Variants in LCORL observed in about 807,000 individuals in gnomAD.
LCORL encodes the protein ligand dependent nuclear receptor corepressor like.
A neutral mutation model predicts 141.8 loss-of-function variants in LCORL; 41 were observed. The ratio of observed to expected loss-of-function variants is 0.29; its 90% CI spans 0.23 to 0.38. The LOEUF is 0.38. Among genes scored for constraint, LCORL ranks in the 10% least tolerant of loss-of-function variants. The pLI, the probability that LCORL is intolerant of heterozygous loss-of-function variation, is 1.00. For synonymous variants in LCORL, 618 were observed against 694.1 expected, an observed-to-expected ratio of 0.89 and a Z score of 1.72; for missense variants, 1,759 against 2,035.0, an observed-to-expected ratio of 0.86 and a Z score of 2.61.
At chr4:17,929,673 T>C (rs1458859218) in intron 4 of LCORL, among the ~76,000 whole-genome samples, 2 of 152,046 alleles carry the variant, frequency 1.3e-5, no homozygotes, top group African/African-American at 4.8e-5. Context: ...TTAGAAGACA[T>C]ATGTGTAAAT....
exon 7 of LCORL, chr4:17,875,946 T>A (rs1467979315): frequency 8.1e-7 from 1 of 1,231,138 alleles, no homozygotes; most frequent in Non-Finnish European, 1.0e-6. Flanking sequence ...ATTTTCAGAG[T>A]TCGCATTTGA....
At chr4:17,919,729 G>C (rs1011617428) in intron 4 of LCORL, among the ~76,000 whole-genome samples, 6 of 152,172 alleles carry the variant, frequency 3.9e-5, no homozygotes, top group Non-Finnish European at 8.8e-5. Flanking sequence ...GTTGTGTTGG[G>C]TGTGTTAGGT....
chr4:17,873,019 C>T (rs1407833362), intron 7 of LCORL, among the ~76,000 whole-genome samples: 1 of 151,988 alleles, frequency 6.6e-6, no homozygotes, highest in Non-Finnish European at 1.5e-5. Context: ...TAGTGTGGTA[C>T]TTAATTTTTA....
chr4:17,878,497 T>C (rs1041636865), intron 6 of LCORL, among the ~76,000 whole-genome samples: 1 of 151,474 alleles, frequency 6.6e-6, no homozygotes. Context: ...GTTTTTAATG[T>C]ATTAAGAATA....
chr4:17,934,969 A>G (rs1736619234), intron 4 of LCORL, among the ~76,000 whole-genome samples: 1 of 152,194 alleles, frequency 6.6e-6, no homozygotes, highest in Non-Finnish European at 1.5e-5. Context: ...CTATGTAACT[A>G]ACTGCCCACT....
intron 1 of LCORL, among the ~76,000 whole-genome samples, chr4:17,992,657 G>A (rs1020842747): frequency 1.3e-5 from 2 of 152,080 alleles, no homozygotes; most frequent in African/African-American, 2.4e-5. Context: ...TATCAGTCAA[G>A]GAGCAAATCT....
chr4:17,864,135 A>C (rs570939604), intron 7 of LCORL, among the ~76,000 whole-genome samples: 1 of 150,860 alleles, frequency 6.6e-6, no homozygotes, highest in Non-Finnish European at 1.5e-5. Context: ...AAATAAAGAC[A>C]AAAAAAAATT....
At chr4:17,877,334 T>C in exon 7 of LCORL, 1 of 1,230,114 alleles carries the variant, frequency 8.1e-7, no homozygotes, top group African/African-American at 1.6e-5. Context: ...TGCTAGATAA[T>C]TTTACAAGGC....
chr4:17,886,677 C>T (rs1560291202), intron 5 of LCORL, among the ~76,000 whole-genome samples: 1 of 152,030 alleles, frequency 6.6e-6, no homozygotes, highest in African/African-American at 2.4e-5. Context: ...TAAAATTTTA[C>T]TCTTTTAAAT....
intron 1 of LCORL, among the ~76,000 whole-genome samples, chr4:18,009,989 A>G (rs1351753563): frequency 6.6e-6 from 1 of 152,188 alleles, no homozygotes; most frequent in African/African-American, 2.4e-5. Flanking sequence ...CTGTTCAGAA[A>G]GGGAGGAGGA....
intron 1 of LCORL, among the ~76,000 whole-genome samples, chr4:17,974,673 A>G (rs1716594001): frequency 6.6e-6 from 1 of 152,160 alleles, no homozygotes; most frequent in South Asian, 2.1e-4. Context: ...GAAATGATCC[A>G]AACTTCACCA....
intron 4 of LCORL, among the ~76,000 whole-genome samples, chr4:17,954,207 G>C (rs373079243): frequency 2.6e-5 from 4 of 151,994 alleles, no homozygotes; most frequent in African/African-American, 7.3e-5. Flanking sequence ...AAACGTGAAA[G>C]AGTGACTGAG....
chr4:17,947,569 C>CA (rs1275776690), intron 4 of LCORL, among the ~76,000 whole-genome samples: 1 of 151,544 alleles, frequency 6.6e-6, no homozygotes, highest in Non-Finnish European at 1.5e-5. Flanking sequence ...GCTGTCACCA[C>CA]AAAAAATGTT....
exon 7 of LCORL, chr4:17,877,077 T>C (rs997536371): frequency 4.5e-5 from 55 of 1,230,694 alleles, no homozygotes; most frequent in Non-Finnish European, 5.6e-5. Context: ...AAAATTTTCA[T>C]CAAGACTAGC....
At chr4:17,842,637 G>C in exon 8 of LCORL, 1 of 348,016 alleles carries the variant, frequency 2.9e-6, no homozygotes, top group Non-Finnish European at 5.3e-6. Context: ...TTAATTACAT[G>C]ATGTGACTCC....
chr4:17,849,792 T>C (rs1223496758), intron 7 of LCORL, among the ~76,000 whole-genome samples: 2 of 152,010 alleles, frequency 1.3e-5, no homozygotes, highest in Non-Finnish European at 2.9e-5. Flanking sequence ...TTAAAGTTCA[T>C]ATGGAACCAA....
At chr4:17,979,003 G>C (rs949357036) in intron 1 of LCORL, among the ~76,000 whole-genome samples, 1 of 152,028 alleles carries the variant, frequency 6.6e-6, no homozygotes, top group Non-Finnish European at 1.5e-5. Context: ...CCATGTTGGC[G>C]TGCTGCACGC....
intron 2 of LCORL, among the ~76,000 whole-genome samples, chr4:17,969,324 T>C (rs1256103896): frequency 6.6e-6 from 1 of 152,170 alleles, no homozygotes; most frequent in Non-Finnish European, 1.5e-5. Context: ...TAAAGAAGAT[T>C]TTGTTTCTAA....
intron 4 of LCORL, among the ~76,000 whole-genome samples, chr4:17,957,200 G>A (rs979002498): frequency 6.6e-6 from 1 of 151,972 alleles, no homozygotes; most frequent in Non-Finnish European, 1.5e-5. Context: ...GCCTGGTAGA[G>A]ACAAAAATGT....
Sources: allele counts gnomAD v4.1 joint callset (sites outside exome capture counted in the v4.1 genomes callset), GRCh38; gene constraint gnomAD v4.1.1; transcripts MANE v1.5; gene names NCBI Gene and HGNC (gene_info 2026-07-23, HGNC 2026-07-21).